Variants in GPR35 observed in about 807,000 individuals in gnomAD.
GPR35 encodes G protein-coupled receptor 35.
For missense variants in GPR35, 372 were observed against 422.5 expected (o/e 0.88, Z 1.05); for synonymous variants, 207 against 198.4 (o/e 1.04, Z -0.36).
chr2:240,624,803 C>T (rs867033870), upstream of GPR35, among the ~76,000 whole-genome samples: 5 of 151,710 alleles, frequency 3.3e-5, no homozygotes, highest in East Asian at 1.9e-4. Context: ...GGAAGATGTC[C>T]GCTGAGGAGT....
intron 5 of GPR35, among the ~76,000 whole-genome samples, chr2:240,619,724 C>T (rs1456280052): frequency 6.6e-6 from 1 of 152,232 alleles, no homozygotes; most frequent in Non-Finnish European, 1.5e-5. Flanking sequence ...AAGAGTTACT[C>T]CTCCCTCCCC....
chr2:240,621,402 G>C (rs575204324), upstream of GPR35, among the ~76,000 whole-genome samples: 1 of 152,016 alleles, frequency 6.6e-6, no homozygotes. Context: ...CTACAGGCAC[G>C]CGCCACCACG....
intron 1 of GPR35, among the ~76,000 whole-genome samples, chr2:240,606,011 C>T (rs563542908): frequency 6.6e-6 from 1 of 152,264 alleles, no homozygotes; most frequent in East Asian, 1.9e-4. Context: ...CTGGGGAGCT[C>T]AGACCATGGC....
At position 240,631,020 on chromosome 2, in the gene GPR35, G is replaced by T. The variant is rs1010840366; in HGVS notation, c.*138G>T. The T allele has an allele frequency of 7.0e-6, 5 of 714,130 alleles. No individual in the cohort carries two copies. Among genetic ancestry groups the T allele is most frequent in the African/African-American group, 1.8e-5 (1 of 56,040 alleles). 44.2% of individuals were successfully genotyped at this position (714,130 alleles called of 1,614,324 possible). ...TGTATTCTCTTGGAGCCTTGGGTGG[G>T]CAGGGACGGCCCAGGTACCTGCTCT... On this transcript the variant is annotated 3_prime_UTR_variant, in exon 2 of 2. Transcript: ENST00000407714.
rs61734453 is a variant in GPR35, at chr2:240,630,328, G to C, written c.376G>C (p.Gly126Arg). 113 of 1,594,474 alleles carry C rather than the reference G, an allele frequency of 7.1e-5. No homozygotes were observed. The South Asian group carries it at 1.1e-3, about 15-fold the overall frequency. Residue 126 changes from glycine to arginine, a missense_variant, in exon 2 of 2, where the codon GGG (glycine) becomes CGG (arginine). Transcript: ENST00000407714. ...CGTGCGGCACCCGCTGCGTGCCCGCGGGCTGCGGTCCCCCAGGCAGGCTGC... is the reference window on the plus strand; with the variant it reads ...CGTGCGGCACCCGCTGCGTGCCCGCCGGCTGCGGTCCCCCAGGCAGGCTGC... ...VAVRHPLRAR[G>R]LRSPRQAAAV...
In GPR35 at chr2:240,630,802, C is replaced by T; in HGVS notation, c.850C>T (p.Gln284Ter). The change falls in exon 2 of 2, where the codon CAG (glutamine) becomes TAG (stop). Residue 284 changes from glutamine to a stop codon, truncating the protein, a stop_gained. Transcript: ENST00000407714. LOFTEE classifies it low-confidence loss of function (END_TRUNC). ...ICYYYMAKEF[Q>*]EASALAVAPS... Reference sequence around the variant, plus strand: ...CTACTACTACATGGCCAAGGAGTTCCAGGAGGCGTCTGCACTGGCCGTGGC... The same window carrying T: ...CTACTACTACATGGCCAAGGAGTTCTAGGAGGCGTCTGCACTGGCCGTGGC... 1.2e-6 allele frequency: 2 copies of T among 1,613,378 alleles called. No individual in the cohort carries two copies. The highest frequency in any genetic ancestry group is 1.7e-6 in the Non-Finnish European group (2 of 1,180,008).
rs769871613 is a variant in GPR35 at position 240,630,786 on chromosome 2, C to T, written c.834C>T (p.Tyr278=). 8 of 1,613,432 alleles carry T rather than the reference C, an allele frequency of 5.0e-6. No homozygotes were observed. ...NCCLDAICYY[Y]MAKEFQEASA... ...GCCTGGACGCCATCTGCTACTACTACATGGCCAAGGAGTTCCAGGAGGCGT... is the reference window on the plus strand; with the variant it reads ...GCCTGGACGCCATCTGCTACTACTATATGGCCAAGGAGTTCCAGGAGGCGT... Residue 278 remains tyrosine, a synonymous_variant, in exon 2 of 2, where the codon TAC becomes TAT. Transcript: ENST00000407714.
At chr2:240,620,786 T>A (rs1654420777), upstream of GPR35, among the ~76,000 whole-genome samples, 1 of 152,082 alleles carries the variant, frequency 6.6e-6, no homozygotes, top group Admixed American at 6.5e-5. Context: ...GCCCGCTACC[T>A]CCTCTGCCCC....
At chr2:240,616,347 A>T (rs2043236709) in intron 2 of GPR35, 2 of 739,626 alleles carry the variant, frequency 2.7e-6, no homozygotes, top group Non-Finnish European at 5.0e-6. Context: ...TTGGGTTCTT[A>T]GTTGGCAGCT....
intron 4 of GPR35, chr2:240,617,829 AG>A: frequency 6.4e-6 from 1 of 155,988 alleles, no homozygotes; most frequent in South Asian, 1.9e-4. Flanking sequence ...TTAACTCCTG[AG>A]CCCCTTTGGC....
chr2:240,621,859 A>AAT, upstream of GPR35, among the ~76,000 whole-genome samples: 1 of 152,084 alleles, frequency 6.6e-6, no homozygotes, highest in African/African-American at 2.4e-5. Flanking sequence ...CCTAACATGT[A>AAT]TTATTCTATT....
chr2:240,625,578 G>A lies in GPR35; in HGVS notation c.-5+10G>A, dbSNP rs904099664. 32 of 985,010 alleles carry A rather than the reference G, an allele frequency of 3.2e-5. No homozygotes were observed. Among genetic ancestry groups the A allele is most frequent in the African/African-American group, 7.0e-5 (4 of 57,210 alleles). 61.0% of individuals were successfully genotyped at this position (985,010 alleles called of 1,614,324 possible). A position where few individuals can be genotyped will look rare whatever the true frequency, so the allele number is the denominator to read the frequency against. ...CCAAAGCTGCCTGCAGGTCAGTGCCGCCCACTGCCCTAGGGGCCTCCCAGC... is the reference window on the plus strand; with the variant it reads ...CCAAAGCTGCCTGCAGGTCAGTGCCACCCACTGCCCTAGGGGCCTCCCAGC... On this transcript the variant is annotated intron_variant, in intron 1 of 1. Transcript: ENST00000407714.
At position 240,631,329 on chromosome 2, in the gene GPR35, C is replaced by T. The variant is rs913969173; in HGVS notation, c.*447C>T. The T allele has an allele frequency of 1.6e-4, 32 of 204,118 alleles. No individual in the cohort carries two copies. The highest frequency in any genetic ancestry group is 5.9e-4 in the African/African-American group (25 of 42,680). The allele number at this position is 204,118 out of a possible 1,614,324, so 12.6% of individuals were successfully genotyped here. A position where few individuals can be genotyped will look rare whatever the true frequency, so the allele number is the denominator to read the frequency against. ...GGGAGCGCGTGGCTCAGAGGGCTGG[C>T]GGACATCTTCCAGGGACCCTTCGGG... On this transcript the variant is annotated 3_prime_UTR_variant, in exon 2 of 2. Transcript: ENST00000407714.
At chr2:240,612,972 A>G (rs2125476306) in intron 2 of GPR35, among the ~76,000 whole-genome samples, 1 of 152,368 alleles carries the variant, frequency 6.6e-6, no homozygotes, top group East Asian at 1.9e-4. Context: ...AGCTGCAGAC[A>G]GCAGAGACTC....
chr2:240,607,055 C>A (rs1185935186), intron 2 of GPR35, among the ~76,000 whole-genome samples: 6 of 152,046 alleles, frequency 3.9e-5, no homozygotes, highest in Non-Finnish European at 5.9e-5. Context: ...ACCCAGGAAG[C>A]AAAACCATTG....
In GPR35 at chr2:240,630,602, G is replaced by A. The variant is rs140850565; in HGVS notation, c.650G>A (p.Arg217His). ...GQAEATRKAA[R>H]MVWANLLVFV... ...GCAGAGGCCACCCGCAAGGCTGCCC[G>A]CATGGTCTGGGCCAACCTCCTGGTG... Residue 217 changes from arginine to histidine, a missense_variant, in exon 2 of 2, where the codon CGC becomes CAC. Physicochemically the swap from Arg to His is conservative, Grantham distance 29. Coordinates refer to ENST00000407714, the MANE Select transcript of GPR35 (RefSeq NM_005301.5). 2.2e-5 allele frequency: 35 copies of A among 1,612,652 alleles called. No individual in the cohort carries two copies. In the Admixed American group the frequency reaches 3.8e-4, roughly 18 times the overall value.
upstream of GPR35, among the ~76,000 whole-genome samples, chr2:240,625,004 G>A (rs1312161535): frequency 6.6e-6 from 1 of 152,166 alleles, no homozygotes; most frequent in East Asian, 1.9e-4. Context: ...GCGTGTGTGT[G>A]TGTATTGGAA....
At chr2:240,629,831 G>A (rs1444615404) in intron 1 of GPR35, 118 bp from the exon 2 acceptor site, 13 of 809,252 alleles carry the variant, frequency 1.6e-5, no homozygotes, top group Non-Finnish European at 2.4e-5. Context: ...GTGTTTGTGG[G>A]TGTGGGGTCG....
intron 2 of GPR35, among the ~76,000 whole-genome samples, chr2:240,611,789 G>T (rs547535775): frequency 6.6e-6 from 1 of 152,318 alleles, no homozygotes; most frequent in South Asian, 2.1e-4. Context: ...AGTGTCCGGG[G>T]CTGGAGCTGG....
Sources: gnomAD v4.1 joint callset for allele counts (sites outside exome capture counted in the v4.1 genomes callset) on GRCh38, gnomAD v4.1.1 for gene constraint, MANE v1.5 for transcripts, NCBI Gene and HGNC (gene_info 2026-07-23, HGNC 2026-07-21) for gene names.